The following SUGCT variants were observed in gnomAD, a reference collection of about 807,000 sequenced individuals.
The protein encoded by SUGCT is succinyl-CoA:glutarate-CoA transferase.
A neutral mutation model predicts 55.0 loss-of-function variants in SUGCT; 41 were observed. The ratio of observed to expected loss-of-function variants is 0.74; its 90% CI spans 0.58 to 0.97. The LOEUF (loss-of-function observed/expected upper bound fraction) is 0.97, where lower values mean the gene tolerates loss of function less well. Among genes scored for constraint, SUGCT ranks in the 50% least tolerant of loss-of-function variants. The probability of loss-of-function intolerance (pLI) is 0.00; values close to 1 mark genes in which losing one functional copy is unlikely to be tolerated. For synonymous variants in SUGCT, 187 were observed against 200.4 expected (o/e 0.93, Z 0.56); for missense variants, 568 against 547.8 (o/e 1.04, Z -0.37).
At chr7:40,448,647 A>G (rs1264369509) in intron 9 of SUGCT, among the ~76,000 whole-genome samples, 1 of 152,044 alleles carries the variant, frequency 6.6e-6, no homozygotes, top group African/African-American at 2.4e-5. Flanking sequence ...GGGGTTTAAG[A>G]CCTGCCTGGG....
chr7:41,022,647 G>A, the SUGCT span, among the ~76,000 whole-genome samples: 13,865 of 152,076 alleles, frequency 0.091, 1,276 homozygotes, highest in African/African-American at 0.23. Context: ...CACAATGGAA[G>A]ATAAGAAACA....
intron 9 of SUGCT, among the ~76,000 whole-genome samples, chr7:40,424,772 T>G (rs1206847319): frequency 2.6e-5 from 4 of 152,164 alleles, no homozygotes; most frequent in Non-Finnish European, 4.4e-5. Flanking sequence ...GGTTTCTTAT[T>G]TAACAGTTGT....
At chr7:40,782,062 T>G (rs1006911458) in intron 13 of SUGCT, among the ~76,000 whole-genome samples, 4 of 152,098 alleles carry the variant, frequency 2.6e-5, no homozygotes, top group Non-Finnish European at 5.9e-5. Flanking sequence ...TTTATCTTTC[T>G]TCAGTATTTT....
At position 40,237,632 on chromosome 7, in the gene SUGCT, T is replaced by C. The variant is rs572856464; in HGVS notation, c.485-3T>C. ...CTGAATATGTTTATTTTTGTTGTTT[T>C]AGGGTATGGTCAGACAGGTCCAATT... On this transcript the variant is annotated splice_polypyrimidine_tract_variant and splice_region_variant and intron_variant, in intron 6 of 13. Coordinates refer to ENST00000335693, the MANE Select transcript of SUGCT (RefSeq NM_001193313.2). 2 of 1,613,572 alleles carry C rather than the reference T, an allele frequency of 1.2e-6. No individual in the cohort carries two copies. Among genetic ancestry groups the C allele is most frequent in the East Asian group, 4.5e-5 (2 of 44,878 alleles).
the SUGCT span, among the ~76,000 whole-genome samples, chr7:40,940,254 G>T: frequency 2.2e-4 from 34 of 152,078 alleles, no homozygotes; most frequent in African/African-American, 7.5e-4. Flanking sequence ...TTTATAACAG[G>T]ACTATGCTGC....
intron 13 of SUGCT, among the ~76,000 whole-genome samples, chr7:40,810,879 T>C (rs762753079): frequency 2.0e-5 from 3 of 152,166 alleles, no homozygotes; most frequent in Non-Finnish European, 4.4e-5. Context: ...TCTTGTAGGA[T>C]TGTTATAGTA....
the SUGCT span, among the ~76,000 whole-genome samples, chr7:40,957,671 T>A: frequency 6.6e-6 from 1 of 152,154 alleles, no homozygotes. Context: ...TATGTGTGAA[T>A]TTGATCCTGT....
chr7:40,361,174 T>C (rs939001441), intron 9 of SUGCT, among the ~76,000 whole-genome samples: 4 of 152,224 alleles, frequency 2.6e-5, no homozygotes, highest in African/African-American at 4.8e-5. Flanking sequence ...TCTAGTGCTA[T>C]GGGTGCTTCA....
At chr7:41,026,671 G>C in the SUGCT span, among the ~76,000 whole-genome samples, 18 of 151,986 alleles carry the variant, frequency 1.2e-4, no homozygotes, top group Non-Finnish European at 2.4e-4. Context: ...AGTCTTGTAC[G>C]GTCTTTATCC....
chr7:40,609,840 G>GT (rs1384829144), intron 12 of SUGCT, among the ~76,000 whole-genome samples: 3 of 152,012 alleles, frequency 2.0e-5, no homozygotes, highest in Non-Finnish European at 4.4e-5. Context: ...TAAGTGATTT[G>GT]TTTTTTGATT....
Position 40,847,810 on chromosome 7 carries a change from G to C in SUGCT, c.1154-12506G>C, listed in dbSNP as rs150728713. Reference sequence around the variant, plus strand: ...AATACTGTCATATTCCTGGAAACTAGTATAAAGGAAAGTAAAAAAAAATCT... The same window carrying C: ...AATACTGTCATATTCCTGGAAACTACTATAAAGGAAAGTAAAAAAAAATCT... On this transcript the variant is annotated intron_variant, in intron 13 of 13. Coordinates refer to ENST00000335693, the MANE Select transcript of SUGCT (RefSeq NM_001193313.2). 6.8e-4 allele frequency among the ~76,000 whole-genome samples: 104 copies of C among 152,142 alleles called. 1 individual carries two copies. The highest frequency in any genetic ancestry group is 2.5e-3 in the African/African-American group (102 of 41,514).
chr7:40,795,631 C>T (rs1159029632), intron 13 of SUGCT, among the ~76,000 whole-genome samples: 1 of 152,120 alleles, frequency 6.6e-6, no homozygotes, highest in East Asian at 1.9e-4. Flanking sequence ...ATAATCCTGT[C>T]TGATTGTTAA....
At chr7:40,798,606 G>A (rs1275485828) in intron 13 of SUGCT, among the ~76,000 whole-genome samples, 1 of 152,168 alleles carries the variant, frequency 6.6e-6, no homozygotes, top group Non-Finnish European at 1.5e-5. Context: ...ACACATTGGT[G>A]TCTTGGGTTT....
intron 9 of SUGCT, among the ~76,000 whole-genome samples, chr7:40,349,599 T>G (rs1014977812): frequency 2.6e-5 from 4 of 152,198 alleles, no homozygotes; most frequent in African/African-American, 9.7e-5. Context: ...CTACTTATTC[T>G]CAGTTACAAA....
At chr7:40,252,509 A>G (rs1790496385) in intron 7 of SUGCT, among the ~76,000 whole-genome samples, 1 of 152,202 alleles carries the variant, frequency 6.6e-6, no homozygotes, top group African/African-American at 2.4e-5. Context: ...TTTTACTAAG[A>G]ATTTCCACAT....
chr7:40,927,089 TA>T, the SUGCT span, among the ~76,000 whole-genome samples: 1 of 152,176 alleles, frequency 6.6e-6, no homozygotes, highest in Non-Finnish European at 1.5e-5. Flanking sequence ...TCAAAGACTA[TA>T]AAAAGTATTA....
intron 1 of SUGCT, among the ~76,000 whole-genome samples, chr7:40,166,886 CAA>C (rs34209472): frequency 0.037 from 4,398 of 118,690 alleles, 85 homozygotes; most frequent in Middle Eastern, 0.05. Context: ...GACTCCACCT[CAA>C]AAAAAAAAAA....
At chr7:40,216,337 A>G (rs1787636983) in intron 6 of SUGCT, among the ~76,000 whole-genome samples, 1 of 149,846 alleles carries the variant, frequency 6.7e-6, no homozygotes, top group Admixed American at 6.7e-5. Context: ...CCCCGTCTCT[A>G]CAAAAATACA....
chr7:40,890,151 A>G, the SUGCT span, among the ~76,000 whole-genome samples: 1 of 149,870 alleles, frequency 6.7e-6, no homozygotes, highest in South Asian at 2.1e-4. Flanking sequence ...GGTAAGCCTA[A>G]GAGTGTGTAA....
Sources: allele counts gnomAD v4.1 joint callset (sites outside exome capture counted in the v4.1 genomes callset), GRCh38; gene constraint gnomAD v4.1.1; transcripts MANE v1.5; gene names NCBI Gene and HGNC (gene_info 2026-07-23, HGNC 2026-07-21).